Variants in NELL1 observed in about 807,000 individuals in gnomAD.
NELL1 encodes protein kinase C-binding protein NELL1.
A neutral mutation model predicts 107.4 loss-of-function variants in NELL1; 76 were observed. That is an observed-to-expected ratio of 0.71 (90% CI 0.59 to 0.86). The LOEUF is 0.86. NELL1 is among the 40% of genes least tolerant of loss of function. The pLI is 0.00. For missense variants in NELL1, 1,024 were observed against 1,005.5 expected (o/e 1.02, Z -0.25); for synonymous variants, 353 against 341.2 (o/e 1.03, Z -0.38).
intron 2 of NELL1, among the ~76,000 whole-genome samples, chr11:20,709,508 G>T (rs1315351091): frequency 1.3e-5 from 2 of 152,090 alleles, no homozygotes; most frequent in Non-Finnish European, 2.9e-5. Context: ...GTTTAGTCTT[G>T]CTTTGGCTGC....
intron 3 of NELL1, among the ~76,000 whole-genome samples, chr11:20,838,946 A>G (rs1294892464): frequency 1.3e-5 from 2 of 152,156 alleles, no homozygotes; most frequent in Admixed American, 6.5e-5. Flanking sequence ...TGCAATTCCA[A>G]GCTTAGTGCC....
At chr11:20,753,091 G>A (rs554299966) in intron 2 of NELL1, among the ~76,000 whole-genome samples, 13 of 152,136 alleles carry the variant, frequency 8.5e-5, no homozygotes, top group Non-Finnish European at 1.9e-4. Context: ...GTTATAACAG[G>A]AAGAGGGCCT....
At chr11:21,335,895 G>T (rs1410040917) in intron 14 of NELL1, among the ~76,000 whole-genome samples, 4 of 151,990 alleles carry the variant, frequency 2.6e-5, no homozygotes, top group African/African-American at 9.7e-5. Context: ...AGACACCAAA[G>T]CCTGCCATTC....
intron 15 of NELL1, among the ~76,000 whole-genome samples, chr11:21,459,642 A>G (rs1206546852): frequency 6.6e-6 from 1 of 152,134 alleles, no homozygotes; most frequent in Non-Finnish European, 1.5e-5. Context: ...ACATCTGTGA[A>G]AAAATGAATG....
chr11:21,562,911 TA>T (rs1429457556), intron 17 of NELL1, among the ~76,000 whole-genome samples: 7 of 152,162 alleles, frequency 4.6e-5, no homozygotes, highest in Non-Finnish European at 8.8e-5. Flanking sequence ...TGGTAATTGA[TA>T]AAAAGGCCTT....
intron 14 of NELL1, among the ~76,000 whole-genome samples, chr11:21,290,908 A>C (rs1424591314): frequency 1.3e-5 from 2 of 152,226 alleles, no homozygotes; most frequent in Admixed American, 1.3e-4. Context: ...AAAGGCTGAA[A>C]ATTCCAAAAA....
chr11:21,351,347 G>T (rs1490458663), intron 14 of NELL1, among the ~76,000 whole-genome samples: 1 of 152,016 alleles, frequency 6.6e-6, no homozygotes, highest in Non-Finnish European at 1.5e-5. Context: ...AGGTCTTTAA[G>T]CTAGACTGGA....
intron 4 of NELL1, among the ~76,000 whole-genome samples, chr11:20,858,904 T>A (rs1848929153): frequency 6.6e-6 from 1 of 152,070 alleles, no homozygotes; most frequent in African/African-American, 2.4e-5. Context: ...AGGTACAGGA[T>A]CCAAAAGAAC....
chr11:20,690,864 T>G (rs1237593603), intron 2 of NELL1, among the ~76,000 whole-genome samples: 1 of 150,568 alleles, frequency 6.6e-6, no homozygotes, highest in African/African-American at 2.5e-5. Context: ...ATCTGTAAAT[T>G]ACCTTGGGCA....
At chr11:21,094,005 A>G (rs1048201693) in intron 12 of NELL1, among the ~76,000 whole-genome samples, 3 of 152,218 alleles carry the variant, frequency 2.0e-5, no homozygotes, top group Non-Finnish European at 2.9e-5. Context: ...CATTAACTCA[A>G]AAGTCCACAG....
intron 13 of NELL1, among the ~76,000 whole-genome samples, chr11:21,171,769 G>A (rs1856611840): frequency 6.6e-6 from 1 of 151,754 alleles, no homozygotes; most frequent in Non-Finnish European, 1.5e-5. Flanking sequence ...ATACTACAGT[G>A]CTCTTCTGGG....
intron 12 of NELL1, among the ~76,000 whole-genome samples, chr11:21,045,082 A>T (rs990708636): frequency 4.6e-5 from 7 of 152,182 alleles, no homozygotes; most frequent in Non-Finnish European, 1.0e-4. Context: ...AAAAAGAAAG[A>T]TTATCCAGGG....
At chr11:20,720,915 T>C (rs1443488383) in intron 2 of NELL1, among the ~76,000 whole-genome samples, 2 of 152,128 alleles carry the variant, frequency 1.3e-5, no homozygotes, top group East Asian at 1.9e-4. Context: ...ATATGAATTT[T>C]TGGGGGGACA....
chr11:21,244,092 G>A (rs1182697300), intron 14 of NELL1, among the ~76,000 whole-genome samples: 4 of 152,036 alleles, frequency 2.6e-5, no homozygotes, highest in Admixed American at 2.6e-4. Flanking sequence ...TCCTGTCTCT[G>A]GATGGAACTT....
chr11:21,020,141 CTA>C (rs1242063542), intron 12 of NELL1, among the ~76,000 whole-genome samples: 1 of 152,042 alleles, frequency 6.6e-6, no homozygotes, highest in East Asian at 1.9e-4. Context: ...AATAAAAATA[CTA>C]TATGCCAATT....
intron 2 of NELL1, among the ~76,000 whole-genome samples, chr11:20,757,600 CT>C (rs1241661450): frequency 6.6e-6 from 1 of 152,188 alleles, no homozygotes; most frequent in Admixed American, 6.5e-5. Flanking sequence ...TTGCCTTTAT[CT>C]CAGTAAAAAT....
intron 13 of NELL1, among the ~76,000 whole-genome samples, chr11:21,217,469 A>G (rs925163770): frequency 3.9e-5 from 6 of 152,106 alleles, no homozygotes; most frequent in African/African-American, 1.2e-4. Context: ...AATTTTTTTA[A>G]GTAAAAAATT....
chr11:21,194,228 A>G (rs1022911860), intron 13 of NELL1, among the ~76,000 whole-genome samples: 1 of 149,346 alleles, frequency 6.7e-6, no homozygotes, highest in East Asian at 1.9e-4. Context: ...TCTAGCACCC[A>G]TGCTGACATC....
rs560193272 is a variant in NELL1, at chr11:21,571,061, T to C, written c.2157+121T>C. 203 of 817,348 alleles carry C rather than the reference T, an allele frequency of 2.5e-4. 2 individuals carry two copies. The South Asian group carries it at 3.5e-3, about 14-fold the overall frequency. The allele number at this position is 817,348 out of a possible 1,614,324, so 50.6% of individuals were successfully genotyped here. A position where few individuals can be genotyped will look rare whatever the true frequency, so the allele number is the denominator to read the frequency against. On this transcript the variant is annotated intron_variant, in intron 18 of 19. Coordinates refer to ENST00000357134, the MANE Select transcript of NELL1 (RefSeq NM_006157.5). ...ACTATACAGGGAGCTCTGTGGGGCC[T>C]GTGGCTAAGGGTCATGTTCTCTTCC...
Sources: gnomAD v4.1 joint callset for allele counts (sites outside exome capture counted in the v4.1 genomes callset) on GRCh38, gnomAD v4.1.1 for gene constraint, MANE v1.5 for transcripts, NCBI Gene and HGNC (gene_info 2026-07-23, HGNC 2026-07-21) for gene names.